Variants in SH3RF3 observed in about 807,000 individuals in gnomAD.
SH3RF3 encodes the protein SH3 domain containing ring finger 3, also known as E3 ubiquitin-protein ligase SH3RF3.
Under a neutral mutation model 66.3 loss-of-function variants are expected in SH3RF3, and 29 were observed. The ratio of observed to expected loss-of-function variants is 0.44; its 90% CI spans 0.33 to 0.60. The LOEUF (loss-of-function observed/expected upper bound fraction) is 0.60. SH3RF3 is among the 20% of genes least tolerant of loss of function. The pLI, the probability that SH3RF3 is intolerant of heterozygous loss-of-function variation, is 0.04. For missense variants in SH3RF3, 1,194 were observed against 1,190.9 expected (o/e 1.00, Z -0.04); for synonymous variants, 583 against 532.0 (o/e 1.10, Z -1.32).
rs191617805 is a variant in SH3RF3, at chr2:109,365,309, C to G, written c.850-6277C>G. ...GACTGGGCCCCTGCAGTTCTTACCT[C>G]TCAGGCTGTCCACACTGAACCTCCA... is the stretch of plus-strand genomic sequence containing the variant. On this transcript the variant is annotated intron_variant, in intron 2 of 9. Transcript: ENST00000309415. 3.2e-3 allele frequency among the ~76,000 whole-genome samples: 485 copies of G among 152,336 alleles called. 4 individuals are homozygous for G. Among genetic ancestry groups the G allele is most frequent in the African/African-American group, 0.011 (458 of 41,582 alleles).
intron 8 of SH3RF3, among the ~76,000 whole-genome samples, chr2:109,481,247 C>T (rs1041515076): frequency 6.6e-6 from 1 of 152,224 alleles, no homozygotes; most frequent in African/African-American, 2.4e-5. Flanking sequence ...ACAGGTCTCT[C>T]TGTGCTCAAG....
chr2:109,193,694 C>G lies in SH3RF3; in HGVS notation c.573+63581C>G, dbSNP rs540808755. 2.0e-5 allele frequency among the ~76,000 whole-genome samples: 3 copies of G among 152,188 alleles called. 1 individual carries two copies. The highest frequency in any genetic ancestry group is 4.1e-4 in the South Asian group (2 of 4,822). ...TTCTACCTCTACATTTAATGATGGT[C>G]TAGAAAGATCAGTATGTAGTATACA... On this transcript the variant is annotated intron_variant, in intron 1 of 9. Transcript: ENST00000309415.
rs1676692629 is a variant in SH3RF3, at chr2:109,131,450, C to T, written c.573+1337C>T. ...ATGTAAGGTATTTATAATTAAATAT[C>T]TTTATTTGCAGAATAAGTGGGTTAC... On this transcript the variant is annotated intron_variant, in intron 1 of 9. Coordinates refer to ENST00000309415, the MANE Select transcript of SH3RF3 (RefSeq NM_001099289.3). Among the ~76,000 whole-genome samples, 6 of 152,140 alleles carry T rather than the reference C, an allele frequency of 3.9e-5. No individual in the cohort carries two copies. The South Asian group carries it at 1.2e-3, about 32-fold the overall frequency.
At chr2:109,429,897 T>A (rs1677144552) in intron 5 of SH3RF3, among the ~76,000 whole-genome samples, 1 of 152,120 alleles carries the variant, frequency 6.6e-6, no homozygotes, top group Admixed American at 6.5e-5. Context: ...TGCAGTAGCC[T>A]GGAGGGAGAA....
chr2:109,173,349 C>T (rs182504604), intron 1 of SH3RF3, among the ~76,000 whole-genome samples: 285 of 152,208 alleles, frequency 1.9e-3, no homozygotes, highest in African/African-American at 5.8e-3. Context: ...CGTTATCAAC[C>T]GAGCCGTCCC....
At chr2:109,180,800 A>G (rs1243269091) in intron 1 of SH3RF3, among the ~76,000 whole-genome samples, 1 of 152,152 alleles carries the variant, frequency 6.6e-6, no homozygotes, top group East Asian at 1.9e-4. Context: ...TGGTATGTCT[A>G]TCAGCAGTGT....
At chr2:109,170,278 T>C (rs900902032) in intron 1 of SH3RF3, among the ~76,000 whole-genome samples, 4 of 127,752 alleles carry the variant, frequency 3.1e-5, no homozygotes, top group African/African-American at 5.7e-5. Context: ...TCTTCTCTTC[T>C]CTTCTCTTCT....
chr2:109,357,402 C>T (rs913871660), intron 2 of SH3RF3, among the ~76,000 whole-genome samples: 1 of 152,136 alleles, frequency 6.6e-6, no homozygotes, highest in African/African-American at 2.4e-5. Context: ...AGGATGGTCT[C>T]GATCTCCTGA....
intron 7 of SH3RF3, among the ~76,000 whole-genome samples, chr2:109,439,004 G>T (rs1191647552): frequency 6.6e-6 from 1 of 152,164 alleles, no homozygotes; most frequent in Non-Finnish European, 1.5e-5. Flanking sequence ...CAGTGCAGTG[G>T]CCCTGGGTTG....
At chr2:109,279,748 G>A (rs1680839227) in intron 1 of SH3RF3, among the ~76,000 whole-genome samples, 1 of 82,804 alleles carries the variant, frequency 1.2e-5, no homozygotes, top group African/African-American at 4.1e-5. Flanking sequence ...TGGGAGCAGT[G>A]ACGCGAAACT....
intron 2 of SH3RF3, among the ~76,000 whole-genome samples, chr2:109,369,525 G>C (rs1289842760): frequency 6.6e-6 from 1 of 152,184 alleles, no homozygotes; most frequent in Non-Finnish European, 1.5e-5. Flanking sequence ...GGAAAAAGTG[G>C]CATTGTAAAG....
chr2:109,459,472 AT>A (rs1678156166), intron 8 of SH3RF3, among the ~76,000 whole-genome samples: 1 of 151,758 alleles, frequency 6.6e-6, no homozygotes, highest in African/African-American at 2.4e-5. Context: ...TCCTGTCTGG[AT>A]TGGGTGGTTA....
chr2:109,305,536 G>A (rs924252794), intron 1 of SH3RF3, among the ~76,000 whole-genome samples: 4 of 152,182 alleles, frequency 2.6e-5, no homozygotes, highest in Admixed American at 1.3e-4. Flanking sequence ...CAGAAGTGCT[G>A]TGTGGAAATT....
chr2:109,359,253 A>C (rs1021628983), intron 2 of SH3RF3, among the ~76,000 whole-genome samples: 1 of 152,140 alleles, frequency 6.6e-6, no homozygotes, highest in East Asian at 1.9e-4. Context: ...TGGCTCTTCT[A>C]GGTCTCTTGC....
chr2:109,217,440 T>A (rs1402902131), intron 1 of SH3RF3, among the ~76,000 whole-genome samples: 3 of 152,232 alleles, frequency 2.0e-5, no homozygotes, highest in African/African-American at 7.2e-5. Flanking sequence ...ATGGTTTGTC[T>A]CAGCTCCAGG....
At chr2:109,175,882 G>T (rs1677902597) in intron 1 of SH3RF3, among the ~76,000 whole-genome samples, 1 of 151,980 alleles carries the variant, frequency 6.6e-6, no homozygotes, top group Non-Finnish European at 1.5e-5. Flanking sequence ...TTATTTATTG[G>T]GTATGCACTA....
At chr2:109,305,812 G>A (rs145407535) in intron 1 of SH3RF3, among the ~76,000 whole-genome samples, 2 of 152,344 alleles carry the variant, frequency 1.3e-5, no homozygotes, top group East Asian at 1.9e-4. Flanking sequence ...AGAGGCTGGG[G>A]CTGCTCGGCA....
intron 1 of SH3RF3, among the ~76,000 whole-genome samples, chr2:109,253,778 C>T (rs1680152768): frequency 6.6e-6 from 1 of 152,078 alleles, no homozygotes; most frequent in Non-Finnish European, 1.5e-5. Context: ...GATTTAGATG[C>T]AAAGATTGCT....
chr2:109,399,341 GAGAA>G (rs1263958523), intron 4 of SH3RF3, among the ~76,000 whole-genome samples: 1 of 152,204 alleles, frequency 6.6e-6, no homozygotes, highest in Non-Finnish European at 1.5e-5. Context: ...TCCCTTTCAA[GAGAA>G]AGAAGGAGTC....
Sources: allele counts gnomAD v4.1 joint callset (sites outside exome capture counted in the v4.1 genomes callset), GRCh38; gene constraint gnomAD v4.1.1; transcripts MANE v1.5; gene names NCBI Gene and HGNC (gene_info 2026-07-23, HGNC 2026-07-21).